INHBA: variants seen among roughly 807,000 people sequenced by gnomAD.
INHBA encodes the protein inhibin beta A chain.
A neutral mutation model predicts 29.0 loss-of-function variants in INHBA; 1 was observed. The ratio of observed to expected loss-of-function variants is 0.03; its 90% confidence interval spans 0.01 to 0.16. INHBA has a LOEUF of 0.16. INHBA is among the 10% of genes least tolerant of loss of function. INHBA has a pLI of 1.00. For synonymous variants in INHBA, 242 were observed against 216.8 expected (o/e 1.12, Z -1.02); for missense variants, 376 against 545.4 (o/e 0.69, Z 3.09).
chr7:41,689,796 G>A lies in INHBA; in HGVS notation c.1135C>T (p.Arg379Trp). 6.2e-7 allele frequency: 1 copy of A among 1,614,078 alleles called. No homozygotes were observed. Among genetic ancestry groups the A allele is most frequent in the Non-Finnish European group, 8.5e-7 (1 of 1,179,998 alleles). The change falls in exon 3 of 3, where the codon CGG (arginine) becomes TGG (tryptophan). Residue 379 changes from arginine to tryptophan, a missense_variant. Around this residue, in one of 4 missense-constraint regions of INHBA, gnomAD observed 50 missense variants for 137.9 expected, o/e 0.36. Coordinates refer to ENST00000242208, the MANE Select transcript of INHBA (RefSeq NM_002192.4). Reference sequence around the variant, plus strand: ...AGGTTGGCAAAGGGGCTATGGCCCCGCATGCGGTAGTGGTTGATGACTGTT... The same window carrying A: ...AGGTTGGCAAAGGGGCTATGGCCCCACATGCGGTAGTGGTTGATGACTGTT... ...HSTVINHYRM[R>W]GHSPFANLKS...
chr7:41,693,426 C>T (rs1794565221), intron 2 of INHBA, among the ~76,000 whole-genome samples: 1 of 152,176 alleles, frequency 6.6e-6, no homozygotes. Context: ...GGGAGGGTTA[C>T]TTGGCTGACT....
At chr7:41,696,469 T>C (rs938871587) in intron 2 of INHBA, among the ~76,000 whole-genome samples, 4 of 152,174 alleles carry the variant, frequency 2.6e-5, no homozygotes, top group African/African-American at 9.7e-5. Context: ...TCCCATCTCA[T>C]AAATTCCTAA....
upstream of INHBA, among the ~76,000 whole-genome samples, chr7:41,703,772 C>A (rs1047128117): frequency 6.7e-6 from 1 of 149,036 alleles, no homozygotes; most frequent in Non-Finnish European, 1.5e-5. Context: ...ACCAAACACA[C>A]ACACACACAC....
At chr7:41,698,194 A>G (rs1484449474) in intron 2 of INHBA, among the ~76,000 whole-genome samples, 1 of 152,220 alleles carries the variant, frequency 6.6e-6, no homozygotes, top group Non-Finnish European at 1.5e-5. Flanking sequence ...AAATTTTTTC[A>G]CTGCCAAATC....
upstream of INHBA, among the ~76,000 whole-genome samples, chr7:41,705,124 T>C (rs976221551): frequency 6.6e-6 from 1 of 152,174 alleles, no homozygotes; most frequent in Non-Finnish European, 1.5e-5. Flanking sequence ...AGCTTTTCCC[T>C]GCGGAACTCA....
rs138819536 is a variant in INHBA at position 41,690,245 on chromosome 7, C to G, written c.686G>C (p.Arg229Pro). The part of the protein sequence containing the change: ...HVFPVSSSIQ[R>P]LLDQGKSSLD... The stretch of plus-strand genomic sequence containing the variant: ...GGAGCTCTTGCCCTGGTCCAGCAAC[C>G]GCTGGATGCTGCTGGAGACAGGGAA... Residue 229 changes from arginine (R) to proline (P), a missense_variant, in exon 3 of 3, where the codon CGG becomes CCG. Around this residue, in one of 4 missense-constraint regions of INHBA, gnomAD observed 253 missense variants for 313.4 expected, o/e 0.81. Coordinates refer to ENST00000242208, the MANE Select transcript of INHBA (RefSeq NM_002192.4). 5.6e-6 allele frequency: 9 copies of G among 1,613,852 alleles called. No individual in the cohort carries two copies. The highest frequency in any genetic ancestry group is 7.6e-6 in the Non-Finnish European group (9 of 1,180,008).
At chr7:41,695,965 T>G (rs1794637403) in intron 2 of INHBA, among the ~76,000 whole-genome samples, 1 of 152,092 alleles carries the variant, frequency 6.6e-6, no homozygotes, top group South Asian at 2.1e-4. Flanking sequence ...CAACGGACTT[T>G]CCACCCTGGC....
chr7:41,693,753 G>A (rs546820538), intron 2 of INHBA, among the ~76,000 whole-genome samples: 19 of 152,122 alleles, frequency 1.2e-4, no homozygotes, highest in Non-Finnish European at 2.1e-4. Context: ...GCATGGCATC[G>A]CCTGCGTATT....
chr7:41,703,766 A>AC (rs1794848720), upstream of INHBA, among the ~76,000 whole-genome samples: 2 of 148,100 alleles, frequency 1.4e-5, no homozygotes, highest in East Asian at 2.0e-4. Flanking sequence ...TAACTAACCA[A>AC]ACACACACAC....
At chr7:41,694,096 T>C (rs923018577) in intron 2 of INHBA, 2 of 152,212 alleles carry the variant, frequency 1.3e-5, no homozygotes, top group South Asian at 4.1e-4. Flanking sequence ...CAGGTACATT[T>C]TACAAGTTCT....
At chr7:41,702,739 T>C (rs1160976413) in intron 1 of INHBA, among the ~76,000 whole-genome samples, 1 of 152,244 alleles carries the variant, frequency 6.6e-6, no homozygotes, top group Non-Finnish European at 1.5e-5. Context: ...GTGTGTTCCC[T>C]GAATTTACTG....
In INHBA at chr7:41,687,751, G is replaced by T. The variant is rs1794417301; in HGVS notation, c.*1899C>A. On this transcript the variant is annotated 3_prime_UTR_variant, in exon 3 of 3. Transcript: ENST00000242208. ...GTTAGTGATGACATTATTTTTCCCA[G>T]CTGGTACAGGTAATATTTCTCACAA... 1 of 151,926 alleles carries T rather than the reference G, an allele frequency of 6.6e-6. No homozygotes were observed. Among genetic ancestry groups the T allele is most frequent in the African/African-American group, 2.4e-5 (1 of 41,344 alleles). The allele number at this position is 151,926 out of a possible 1,614,324, so 9.4% of individuals were successfully genotyped here.
Position 41,689,953 on chromosome 7 carries a change from G to T in INHBA, c.978C>A (p.Phe326Leu), listed in dbSNP as rs1356119994. ...GKVNICCKKQ[F>L]FVSFKDIGWN... ...AGCCGATGTCCTTGAAACTGACAAA[G>T]AACTGTTTCTTACAGCAGATGTTGA... Residue 326 changes from phenylalanine to leucine, a missense_variant, in exon 3 of 3, where the codon TTC becomes TTA. Physicochemically the swap from Phe to Leu is conservative, Grantham distance 22. Coordinates refer to ENST00000242208, the MANE Select transcript of INHBA (RefSeq NM_002192.4). 15 of 1,614,048 alleles carry T rather than the reference G, an allele frequency of 9.3e-6. No homozygotes were observed. Among genetic ancestry groups the T allele is most frequent in the Non-Finnish European group, 1.2e-5 (14 of 1,180,030 alleles).
rs540384525 is a variant in INHBA at position 41,686,575 on chromosome 7, C to T, written c.*3075G>A. The T allele has an allele frequency of 2.2e-4, 34 of 152,202 alleles. No homozygotes were observed. In the South Asian group the frequency reaches 7.0e-3, roughly 32 times the overall value. 9.4% of individuals were successfully genotyped at this position (152,202 alleles called of 1,614,324 possible). ...CAATGTTATCAAAAAATGGTAGCAA[C>T]TTATACTTCTATTTCAAAGCCATAT... On this transcript the variant is annotated 3_prime_UTR_variant, in exon 3 of 3. Transcript: ENST00000242208.
At position 41,690,430 on chromosome 7, in the gene INHBA, G is replaced by C. The variant is rs757193287; in HGVS notation, c.501C>G (p.Thr167=). ...LFLKVPKANR[T]RTKVTIRLFQ... ...AGAGGCGGATGGTGACTTTGGTCCT[G>C]GTCCTGTTGGCCTTGGGGACTTTTA... The change falls in exon 3 of 3, where the codon ACC becomes ACG. Residue 167 remains threonine (T), a synonymous_variant. Coordinates refer to ENST00000242208, the MANE Select transcript of INHBA (RefSeq NM_002192.4). 1 of 1,614,096 alleles carries C rather than the reference G, an allele frequency of 6.2e-7. No homozygotes were observed. The highest frequency in any genetic ancestry group is 1.1e-5 in the South Asian group (1 of 91,078).
chr7:41,696,141 T>C (rs1357563572), intron 2 of INHBA, among the ~76,000 whole-genome samples: 1 of 152,158 alleles, frequency 6.6e-6, no homozygotes, highest in African/African-American at 2.4e-5. Context: ...GAAAGAACCT[T>C]TTTCCTCCCT....
At position 41,686,230 on chromosome 7, in the gene INHBA, A is replaced by G. The variant is rs1266449364; in HGVS notation, c.*3420T>C. Reference sequence around the variant, plus strand: ...GCTGAAATTCACCTGACTTTTTTGGAAAAAATAGTCGAAAATGTCAATTTG... The same window carrying G: ...GCTGAAATTCACCTGACTTTTTTGGGAAAAATAGTCGAAAATGTCAATTTG... On this transcript the variant is annotated 3_prime_UTR_variant, in exon 3 of 3. Coordinates refer to ENST00000242208, the MANE Select transcript of INHBA (RefSeq NM_002192.4). The G allele has an allele frequency of 6.6e-6, 1 of 152,124 alleles. No individual in the cohort carries two copies. Among genetic ancestry groups the G allele is most frequent in the Non-Finnish European group, 1.5e-5 (1 of 67,994 alleles). 9.4% of individuals were successfully genotyped at this position (152,124 alleles called of 1,614,324 possible). A position where few individuals can be genotyped will look rare whatever the true frequency, so the allele number is the denominator to read the frequency against.
chr7:41,690,984 G>A (rs1794487562), intron 2 of INHBA, among the ~76,000 whole-genome samples: 1 of 152,164 alleles, frequency 6.6e-6, no homozygotes, highest in Non-Finnish European at 1.5e-5. Flanking sequence ...TTAGAATGAA[G>A]AGGGCCTGCG....
chr7:41,700,486 T>G lies in INHBA; in HGVS notation c.-112A>C. 9.0e-7 allele frequency: 1 copy of G among 1,115,366 alleles called. No individual in the cohort carries two copies. The highest frequency in any genetic ancestry group is 1.2e-6 in the Non-Finnish European group (1 of 831,014). 69.1% of individuals were successfully genotyped at this position (1,115,366 alleles called of 1,614,324 possible). On this transcript the variant is annotated 5_prime_UTR_variant, in exon 2 of 3. Coordinates refer to ENST00000242208, the MANE Select transcript of INHBA (RefSeq NM_002192.4). ...ATTTTTTTATTTTTTTTTTTGGTGT[T>G]TTTTTTTTCCTTCTCCTCTTCAGCA...
Sources: allele counts gnomAD v4.1 joint callset (sites outside exome capture counted in the v4.1 genomes callset), GRCh38; gene constraint gnomAD v4.1.1; regional missense constraint gnomAD v4.1.1; transcripts MANE v1.5; gene names NCBI Gene and HGNC (gene_info 2026-07-23, HGNC 2026-07-21).